Variants in SEMA6A observed in about 807,000 individuals in gnomAD.
SEMA6A encodes the protein semaphorin 6A.
SEMA6A carries 25 observed loss-of-function variants against 96.8 expected under a neutral mutation model. The ratio of observed to expected loss-of-function variants is 0.26; its 90% CI spans 0.19 to 0.36. The LOEUF is 0.36. Among genes scored for constraint, SEMA6A ranks in the 10% least tolerant of loss-of-function variants. The pLI is 1.00. For synonymous variants in SEMA6A, 612 were observed against 518.0 expected, an observed-to-expected ratio of 1.18 and a Z score of -2.46; for missense variants, 1,363 against 1,323.1, an observed-to-expected ratio of 1.03 and a Z score of -0.47.
At chr5:116,451,702 G>T (rs994693270) in intron 18 of SEMA6A, among the ~76,000 whole-genome samples, 6 of 151,998 alleles carry the variant, frequency 3.9e-5, no homozygotes, top group Admixed American at 1.3e-4. Flanking sequence ...TTCTAAACTT[G>T]GGAGGTAATC....
At chr5:116,503,458 T>C (rs1242332796) in intron 2 of SEMA6A, among the ~76,000 whole-genome samples, 1 of 152,046 alleles carries the variant, frequency 6.6e-6, no homozygotes, top group African/African-American at 2.4e-5. Flanking sequence ...TCTACGATCA[T>C]GGATTTGAGT....
chr5:116,540,322 T>A (rs1014350353), intron 1 of SEMA6A, among the ~76,000 whole-genome samples: 1 of 152,230 alleles, frequency 6.6e-6, no homozygotes, highest in Non-Finnish European at 1.5e-5. Flanking sequence ...CAAACTAGGC[T>A]CTGCCATCAG....
chr5:116,502,421 C>G (rs54100), intron 2 of SEMA6A, 94 bp from the exon 3 acceptor site: 805,178 of 1,005,824 alleles, frequency 0.8, 324,776 homozygotes, highest in African/African-American at 0.93. Flanking sequence ...ACAAAAGAAA[C>G]CCGTGTTTAA....
At chr5:116,483,088 T>A (rs1756870580) in intron 10 of SEMA6A, among the ~76,000 whole-genome samples, 1 of 152,206 alleles carries the variant, frequency 6.6e-6, no homozygotes, top group African/African-American at 2.4e-5. Flanking sequence ...TTTATGTTAG[T>A]CTCTGTACAT....
chr5:116,480,860 ATTCTTTCCTGAAAGGTCAT>A (rs1158342319), intron 11 of SEMA6A, among the ~76,000 whole-genome samples: 3 of 152,158 alleles, frequency 2.0e-5, no homozygotes, highest in Non-Finnish European at 4.4e-5. Flanking sequence ...ATTATATCAG[ATTCTTTCCTGAAAGGTCAT>A]TTCTTGTCAT....
chr5:116,486,554 C>A, intron 10 of SEMA6A, 195 bp downstream of exon 10: 1 of 547,438 alleles, frequency 1.8e-6, no homozygotes, highest in Non-Finnish European at 3.3e-6. Flanking sequence ...TAATTACTTC[C>A]CCTAAAACCT....
chr5:116,485,378 T>C (rs185208257), intron 10 of SEMA6A, among the ~76,000 whole-genome samples: 1 of 152,334 alleles, frequency 6.6e-6, no homozygotes, highest in East Asian at 1.9e-4. Context: ...GTATACTTTT[T>C]CAAAATCCTA....
chr5:116,485,853 A>G (rs1757024876), intron 10 of SEMA6A, among the ~76,000 whole-genome samples: 1 of 152,222 alleles, frequency 6.6e-6, no homozygotes. Context: ...TTTTCACACA[A>G]CAATACGAGG....
In SEMA6A at chr5:116,467,579, T is replaced by C. The variant is rs763792088; in HGVS notation, c.1894+4A>G. ...GAGAGGAAGAGGCATTTCCAAGGCC[T>C]TACCCTTCTTGTCTTGGTGATTATG... On this transcript the variant is annotated splice_donor_region_variant and intron_variant, in intron 18 of 18. Coordinates refer to ENST00000343348, the MANE Select transcript of SEMA6A (RefSeq NM_020796.5). 1.2e-6 allele frequency: 2 copies of C among 1,611,342 alleles called. No individual in the cohort carries two copies. Among genetic ancestry groups the C allele is most frequent in the South Asian group, 1.1e-5 (1 of 90,594 alleles).
chr5:116,572,674 G>A (rs968594680), intron 1 of SEMA6A, among the ~76,000 whole-genome samples: 5 of 152,182 alleles, frequency 3.3e-5, no homozygotes, highest in Non-Finnish European at 5.9e-5. Flanking sequence ...CTGCCTCCGG[G>A]GTCCTGCTTC....
intron 1 of SEMA6A, among the ~76,000 whole-genome samples, chr5:116,539,231 G>A (rs1759858221): frequency 6.6e-6 from 1 of 152,036 alleles, no homozygotes; most frequent in African/African-American, 2.4e-5. Flanking sequence ...TTTATACGGT[G>A]GTCCTGCTTC....
chr5:116,487,011 G>T, intron 9 of SEMA6A, 45 bp from the exon 10 acceptor site: 1 of 1,396,586 alleles, frequency 7.2e-7, no homozygotes, highest in Non-Finnish European at 1.0e-6. Context: ...CATTCATTTT[G>T]CAAGGAGATC....
At chr5:116,512,505 A>G (rs1758457491) in intron 1 of SEMA6A, among the ~76,000 whole-genome samples, 1 of 152,214 alleles carries the variant, frequency 6.6e-6, no homozygotes, top group Non-Finnish European at 1.5e-5. Context: ...TGGGTGTAAT[A>G]GATGTTCCAT....
intron 3 of SEMA6A, among the ~76,000 whole-genome samples, chr5:116,499,423 C>G (rs254087): frequency 0.31 from 5,540 of 17,664 alleles, 230 homozygotes; most frequent in African/African-American, 0.34. Flanking sequence ...GGGGGTTGGC[C>G]GGGGGGTGGG....
In SEMA6A at chr5:116,478,568, C is replaced by T. The variant is rs1253308082; in HGVS notation, c.1401G>A (p.Glu467=). The change falls in exon 13 of 19, where the codon GAG becomes GAA. Residue 467 remains glutamate, a synonymous_variant. Coordinates refer to ENST00000343348, the MANE Select transcript of SEMA6A (RefSeq NM_020796.5). ...TTTCAGAGTTGTAAACACTCATCTC[C>T]TCCAGGAAAAGGCTGTCATTTAGAA... ...SGFLNDSLFL[E]EMSVYNSEKC... 6.8e-6 allele frequency: 11 copies of T among 1,612,382 alleles called. No homozygotes were observed. In the African/African-American group the frequency reaches 8.0e-5, roughly 12 times the overall value.
rs527410058 is a variant in SEMA6A at position 116,548,644 on chromosome 5, A to T, written c.-39+25541T>A. On this transcript the variant is annotated intron_variant, in intron 1 of 18. Transcript: ENST00000343348. The stretch of plus-strand genomic sequence containing the variant: ...ATATGTTTCCAAAAATCCCCTTTCC[A>T]ATGGGAAAATTGAGGCCAAGGAACA... Among the ~76,000 whole-genome samples, 5 of 152,302 alleles carry T rather than the reference A, an allele frequency of 3.3e-5. No individual in the cohort carries two copies. The South Asian group carries it at 1.0e-3, about 32-fold the overall frequency.
At chr5:116,518,657 C>G (rs1053518070) in intron 1 of SEMA6A, among the ~76,000 whole-genome samples, 3 of 152,204 alleles carry the variant, frequency 2.0e-5, no homozygotes, top group Admixed American at 2.0e-4. Context: ...TCTAGCATAG[C>G]ACAAGGATCC....
intron 18 of SEMA6A, among the ~76,000 whole-genome samples, chr5:116,455,848 G>C (rs549764130): frequency 2.6e-5 from 4 of 152,152 alleles, no homozygotes; most frequent in Admixed American, 6.5e-5. Context: ...ATAGCTAACT[G>C]TGTGACTTTG....
At chr5:116,520,538 C>T (rs1249565932) in intron 1 of SEMA6A, among the ~76,000 whole-genome samples, 2 of 152,072 alleles carry the variant, frequency 1.3e-5, no homozygotes, top group South Asian at 2.1e-4. Flanking sequence ...AGGGGAGATG[C>T]AAGGGGCAGA....
Sources: gnomAD v4.1 joint callset for allele counts (sites outside exome capture counted in the v4.1 genomes callset) on GRCh38, gnomAD v4.1.1 for gene constraint, MANE v1.5 for transcripts, NCBI Gene and HGNC (gene_info 2026-07-23, HGNC 2026-07-21) for gene names.